Variants in DYRK1A observed in about 807,000 individuals in gnomAD.
The protein encoded by DYRK1A is dual specificity tyrosine-phosphorylation-regulated kinase 1A.
A neutral mutation model predicts 79.7 loss-of-function variants in DYRK1A; 9 were observed. The observed-to-expected ratio is 0.11, with a 90% CI of 0.07 to 0.20. The LOEUF is 0.20. DYRK1A is among the 10% of genes least tolerant of loss of function. The pLI, the probability that DYRK1A is intolerant of heterozygous loss-of-function variation, is 1.00. For synonymous variants in DYRK1A, 349 were observed against 329.7 expected, an observed-to-expected ratio of 1.06 and a Z score of -0.63; for missense variants, 622 against 956.0, an observed-to-expected ratio of 0.65 and a Z score of 4.61.
At chr21:37,468,075 G>A (rs1026023039) in intron 2 of DYRK1A, among the ~76,000 whole-genome samples, 2 of 152,092 alleles carry the variant, frequency 1.3e-5, no homozygotes, top group Non-Finnish European at 2.9e-5. Context: ...ATTTGATGAG[G>A]TGAATCAGGA....
chr21:37,410,450 T>C (rs2050222241), intron 1 of DYRK1A: 1 of 152,232 alleles, frequency 6.6e-6, no homozygotes, highest in Non-Finnish European at 1.5e-5. Flanking sequence ...TTTCATTATA[T>C]TTAGGATTTT....
At position 37,493,040 on chromosome 21, in the gene DYRK1A, C is replaced by CTT; in HGVS notation, c.951_952dup (p.Tyr318PhefsTer42). The stretch of plus-strand genomic sequence containing the variant: ...AGATATACCAGTATATTCAGAGTCG[C>CTT]TTTTATCGGTCTCCAGAGGTGCTAC... On this transcript the variant is annotated frameshift_variant, in exon 8 of 12. Transcript: ENST00000647188. LOFTEE classifies it high-confidence loss of function. 1 of 1,606,914 alleles carries CTT rather than the reference C, an allele frequency of 6.2e-7. No homozygotes were observed. The highest frequency in any genetic ancestry group is 1.7e-5 in the Admixed American group (1 of 59,884).
At chr21:37,482,749 C>G (rs1165425778) in intron 5 of DYRK1A, among the ~76,000 whole-genome samples, 1 of 152,096 alleles carries the variant, frequency 6.6e-6, no homozygotes, top group Non-Finnish European at 1.5e-5. Context: ...ACAGTCTCGA[C>G]CATAGAAGAC....
At chr21:37,429,251 G>A (rs1450713536) in intron 2 of DYRK1A, among the ~76,000 whole-genome samples, 1 of 151,922 alleles carries the variant, frequency 6.6e-6, no homozygotes, top group Non-Finnish European at 1.5e-5. Flanking sequence ...TTGAGTGCTT[G>A]CTGTTTTTGT....
At chr21:37,494,302 G>A (rs549600280) in intron 8 of DYRK1A, among the ~76,000 whole-genome samples, 1 of 150,910 alleles carries the variant, frequency 6.6e-6, no homozygotes, top group Non-Finnish European at 1.5e-5. Flanking sequence ...ATCTTTCTTG[G>A]GCTTAAACAA....
intron 1 of DYRK1A, among the ~76,000 whole-genome samples, chr21:37,412,987 G>C (rs184512885): frequency 1.3e-5 from 2 of 152,108 alleles, no homozygotes; most frequent in African/African-American, 4.8e-5. Context: ...TGAGTGAAGC[G>C]GTCAGGGGAT....
rs528590952 is a variant in DYRK1A at position 37,484,131 on chromosome 21, C to T, written c.490-2336C>T. On this transcript the variant is annotated intron_variant, in intron 5 of 11. Coordinates refer to ENST00000647188, the MANE Select transcript of DYRK1A (RefSeq NM_001347721.2). ...CAAACCCAATTGTGAACTGTGCATG[C>T]GAGGGATCTAGGTTGTGTACTCCTT... is the stretch of plus-strand genomic sequence containing the variant. Among the ~76,000 whole-genome samples, 11 of 152,204 alleles carry T rather than the reference C, an allele frequency of 7.2e-5. No individual in the cohort carries two copies. In the East Asian group the frequency reaches 1.5e-3, roughly 21 times the overall value.
intron 8 of DYRK1A, among the ~76,000 whole-genome samples, chr21:37,495,051 T>A (rs997372256): frequency 6.6e-6 from 1 of 152,098 alleles, no homozygotes; most frequent in Admixed American, 6.5e-5. Context: ...TTTATTATTT[T>A]CTACCACTGA....
chr21:37,394,545 G>A (rs748119434), intron 1 of DYRK1A, among the ~76,000 whole-genome samples: 17 of 152,144 alleles, frequency 1.1e-4, no homozygotes, highest in Non-Finnish European at 1.5e-4. Flanking sequence ...ACCCCATGAG[G>A]TGAGCTTTGG....
At chr21:37,511,142 G>T (rs779956151) in intron 11 of DYRK1A, among the ~76,000 whole-genome samples, 4 of 152,230 alleles carry the variant, frequency 2.6e-5, no homozygotes, top group Non-Finnish European at 4.4e-5. Context: ...TTCTTTGTTT[G>T]GAACTCAGGT....
chr21:37,462,486 C>G (rs749362581), intron 2 of DYRK1A, among the ~76,000 whole-genome samples: 2 of 152,194 alleles, frequency 1.3e-5, no homozygotes, highest in Non-Finnish European at 2.9e-5. Context: ...TTTGAACACT[C>G]AATGTCTTAC....
chr21:37,501,750 A>T (rs893590694), intron 9 of DYRK1A: 1 of 152,176 alleles, frequency 6.6e-6, no homozygotes, highest in Admixed American at 6.5e-5. Flanking sequence ...GTCTCCAGCT[A>T]TCAATGTAGA....
In DYRK1A at chr21:37,367,535, C is replaced by T. The variant is rs548839255; in HGVS notation, c.-170C>T. ...GGGCGGAGAGAGGCTGCCGGGGCGG[C>T]GCTGGCTGCGGAGGCCGCGGCGGGA... On this transcript the variant is annotated 5_prime_UTR_variant, in exon 1 of 12. Coordinates refer to ENST00000647188, the MANE Select transcript of DYRK1A (RefSeq NM_001347721.2). 1,345 of 147,102 alleles carry T rather than the reference C, an allele frequency of 9.1e-3. 19 individuals carry two copies. Among genetic ancestry groups the T allele is most frequent in the African/African-American group, 0.032 (1,290 of 40,518 alleles). The allele number at this position is 147,102 out of a possible 1,614,324, so 9.1% of individuals were successfully genotyped here. A position where few individuals can be genotyped will look rare whatever the true frequency, so the allele number is the denominator to read the frequency against.
chr21:37,366,177 C>T (rs1407605005), upstream of DYRK1A: 4 of 151,212 alleles, frequency 2.6e-5, no homozygotes, highest in Non-Finnish European at 5.9e-5. Flanking sequence ...GCGCGGCGCC[C>T]GGACCGCGGT....
rs1348022056 is a variant in DYRK1A at position 37,416,305 on chromosome 21, T to C, written c.-76-3994T>C. 2.0e-5 allele frequency among the ~76,000 whole-genome samples: 3 copies of C among 150,790 alleles called. No homozygotes were observed. The East Asian group carries it at 5.9e-4, about 29-fold the overall frequency. ...GCAATATTATATTCTTTATAAAGTC[T>C]TGTGTTTTGGCCTTTTTTTTTTTTT... On this transcript the variant is annotated intron_variant, in intron 1 of 11. Coordinates refer to ENST00000647188, the MANE Select transcript of DYRK1A (RefSeq NM_001347721.2).
intron 1 of DYRK1A, among the ~76,000 whole-genome samples, chr21:37,417,221 C>T (rs552908925): frequency 6.6e-6 from 1 of 151,876 alleles, no homozygotes; most frequent in Non-Finnish European, 1.5e-5. Flanking sequence ...ACAGAGTTTC[C>T]CTCTTGTTGC....
chr21:37,469,772 C>T (rs2052157514), intron 2 of DYRK1A, among the ~76,000 whole-genome samples: 1 of 152,178 alleles, frequency 6.6e-6, no homozygotes, highest in Non-Finnish European at 1.5e-5. Flanking sequence ...CCCTCCTAAT[C>T]CAATAACCTC....
chr21:37,409,162 A>T (rs2050199638), intron 1 of DYRK1A, among the ~76,000 whole-genome samples: 1 of 152,176 alleles, frequency 6.6e-6, no homozygotes, highest in Non-Finnish European at 1.5e-5. Flanking sequence ...TGGAGTGTAG[A>T]TGTGTACTAG....
chr21:37,406,805 A>G (rs2050156379), intron 1 of DYRK1A, among the ~76,000 whole-genome samples: 1 of 147,150 alleles, frequency 6.8e-6, no homozygotes, highest in Admixed American at 6.8e-5. Context: ...GTATATAATT[A>G]TATATATCTA....
Sources: allele counts gnomAD v4.1 joint callset (sites outside exome capture counted in the v4.1 genomes callset), GRCh38; gene constraint gnomAD v4.1.1; transcripts MANE v1.5; gene names NCBI Gene and HGNC (gene_info 2026-07-23, HGNC 2026-07-21).